Variants in SNTG1 observed in about 807,000 individuals in gnomAD.
SNTG1 encodes syntrophin gamma 1.
SNTG1 carries 39 observed loss-of-function variants against 74.7 expected under a neutral mutation model. The observed-to-expected ratio is 0.52, with a 90% CI of 0.40 to 0.68. SNTG1 has a LOEUF of 0.68. Ranked by LOEUF, SNTG1 falls within the 30% of genes least tolerant of loss-of-function variation. The pLI, the probability that SNTG1 is intolerant of heterozygous loss-of-function variation, is 0.00. For missense variants in SNTG1, 685 were observed against 609.5 expected, an observed-to-expected ratio of 1.12 and a Z score of -1.30; for synonymous variants, 254 against 217.1, an observed-to-expected ratio of 1.17 and a Z score of -1.49.
chr8:50,413,241 A>C (rs544540440), intron 4 of SNTG1, among the ~76,000 whole-genome samples: 1 of 152,340 alleles, frequency 6.6e-6, no homozygotes, highest in South Asian at 2.1e-4. Context: ...TGATAGATAG[A>C]GATGGATGAT....
At chr8:50,230,978 AT>A (rs1434905111) in intron 2 of SNTG1, among the ~76,000 whole-genome samples, 1 of 151,374 alleles carries the variant, frequency 6.6e-6, no homozygotes, top group African/African-American at 2.4e-5. Flanking sequence ...GAGAGAAAAT[AT>A]TTGCAAGCCA....
intron 4 of SNTG1, among the ~76,000 whole-genome samples, chr8:50,404,566 G>A (rs1303479528): frequency 6.6e-6 from 1 of 151,508 alleles, no homozygotes; most frequent in East Asian, 1.9e-4. Flanking sequence ...TTCAGGCATA[G>A]CAATCAGTGG....
At chr8:50,089,204 T>C (rs1563576127) in intron 1 of SNTG1, among the ~76,000 whole-genome samples, 1 of 152,132 alleles carries the variant, frequency 6.6e-6, no homozygotes, top group Admixed American at 6.6e-5. Context: ...GCTAGCCATA[T>C]GTAGAAAGCT....
intron 15 of SNTG1, among the ~76,000 whole-genome samples, chr8:50,659,735 G>A (rs1258771058): frequency 6.6e-6 from 1 of 151,816 alleles, no homozygotes; most frequent in Non-Finnish European, 1.5e-5. Flanking sequence ...TGTATTGTTA[G>A]TAAAGAAGGG....
chr8:50,737,830 G>A (rs2095532768), intron 17 of SNTG1, among the ~76,000 whole-genome samples: 1 of 152,102 alleles, frequency 6.6e-6, no homozygotes, highest in Non-Finnish European at 1.5e-5. Context: ...CTCAGTAGAT[G>A]CAGAAAAGGC....
chr8:50,173,585 T>C lies in SNTG1; in HGVS notation c.-28+950T>C, dbSNP rs148236149. On this transcript the variant is annotated intron_variant, in intron 2 of 18. Coordinates refer to ENST00000642720, the MANE Select transcript of SNTG1 (RefSeq NM_018967.5). ...AACCATGAAACTTTATAACTTTATG[T>C]AGCCATGCAGATTGCCTATTAAAGA... Among the ~76,000 whole-genome samples, 23 of 152,322 alleles carry C rather than the reference T, an allele frequency of 1.5e-4. No individual in the cohort carries two copies. In the East Asian group the frequency reaches 4.1e-3, roughly 27 times the overall value.
chr8:49,938,176 G>A (rs2129368501), intron 1 of SNTG1, among the ~76,000 whole-genome samples: 1 of 152,190 alleles, frequency 6.6e-6, no homozygotes, highest in Middle Eastern at 3.4e-3. Context: ...ACCCACAACT[G>A]ACCATGTAAT....
At position 50,603,458 on chromosome 8, in the gene SNTG1, T is replaced by C. The variant is rs138374274; in HGVS notation, c.849+12541T>C. On this transcript the variant is annotated intron_variant, in intron 13 of 18. Transcript: ENST00000642720. ...TTTGAGTTTCTTCAAACCAGCTACT[T>C]TGAATTTTCTTTGTGAAAGGTCATA... 2.7e-3 allele frequency among the ~76,000 whole-genome samples: 406 copies of C among 152,326 alleles called. 1 individual carries two copies. The highest frequency in any genetic ancestry group is 9.1e-3 in the African/African-American group (379 of 41,582).
intron 1 of SNTG1, among the ~76,000 whole-genome samples, chr8:49,954,830 G>A (rs1469275716): frequency 1.3e-5 from 2 of 152,004 alleles, no homozygotes; most frequent in Admixed American, 6.6e-5. Context: ...TTACTCCAAA[G>A]AAGAAACTTT....
intron 2 of SNTG1, among the ~76,000 whole-genome samples, chr8:50,187,122 G>A (rs770320954): frequency 1.7e-4 from 26 of 152,020 alleles, no homozygotes; most frequent in Non-Finnish European, 2.4e-4. Flanking sequence ...TGCTATTTCC[G>A]TCAAACTGCC....
intron 2 of SNTG1, among the ~76,000 whole-genome samples, chr8:50,221,246 G>A (rs1048752681): frequency 6.6e-6 from 1 of 151,966 alleles, no homozygotes; most frequent in African/African-American, 2.4e-5. Context: ...GTATGACAGA[G>A]AGAAATGTAT....
chr8:50,289,357 G>A (rs2088962740), intron 2 of SNTG1, among the ~76,000 whole-genome samples: 1 of 152,076 alleles, frequency 6.6e-6, no homozygotes. Flanking sequence ...AATCTCCAGG[G>A]TGCAACTGCA....
chr8:50,392,148 GTAATCAAT>G (rs549089031), intron 2 of SNTG1, among the ~76,000 whole-genome samples: 9 of 152,320 alleles, frequency 5.9e-5, no homozygotes, highest in Admixed American at 5.9e-4. Flanking sequence ...TTCATTAACT[GTAATCAAT>G]GTGACATAAT....
intron 2 of SNTG1, among the ~76,000 whole-genome samples, chr8:50,218,670 G>T (rs888050920): frequency 3.3e-5 from 5 of 151,856 alleles, no homozygotes; most frequent in African/African-American, 4.8e-5. Flanking sequence ...CAGGACCACA[G>T]ATACTAATAT....
At chr8:50,564,705 C>A (rs2094506373) in intron 12 of SNTG1, among the ~76,000 whole-genome samples, 1 of 151,942 alleles carries the variant, frequency 6.6e-6, no homozygotes, top group African/African-American at 2.4e-5. Flanking sequence ...ATATCATAGT[C>A]TATAAGTTTT....
chr8:50,284,089 C>G (rs767042507), intron 2 of SNTG1, among the ~76,000 whole-genome samples: 1 of 151,984 alleles, frequency 6.6e-6, no homozygotes, highest in Admixed American at 6.6e-5. Context: ...TTGTCTGTAA[C>G]GGTGTCACAG....
intron 15 of SNTG1, among the ~76,000 whole-genome samples, chr8:50,690,234 T>A (rs1249661118): frequency 1.3e-5 from 2 of 152,210 alleles, no homozygotes; most frequent in East Asian, 3.8e-4. Flanking sequence ...GGTTTTTTTG[T>A]GTCTCTATTT....
chr8:50,789,673 A>T (rs2131864309), intron 18 of SNTG1, among the ~76,000 whole-genome samples: 1 of 152,136 alleles, frequency 6.6e-6, no homozygotes, highest in East Asian at 1.9e-4. Flanking sequence ...ATCTACTTTC[A>T]AATTCAACCC....
At position 50,208,567 on chromosome 8, in the gene SNTG1, G is replaced by A. The variant is rs560936686; in HGVS notation, c.-28+35932G>A. Among the ~76,000 whole-genome samples the A allele has an allele frequency of 3.3e-5, 5 of 152,254 alleles. No individual in the cohort carries two copies. The South Asian group carries it at 1.0e-3, about 32-fold the overall frequency. ...AGCAACTATCCCATTTACATTTAAG[G>A]TTAATATTTGTTATCTGTGAATTTG... On this transcript the variant is annotated intron_variant, in intron 2 of 18. Transcript: ENST00000642720.
Sources: allele counts gnomAD v4.1 joint callset (sites outside exome capture counted in the v4.1 genomes callset), GRCh38; gene constraint gnomAD v4.1.1; transcripts MANE v1.5; gene names NCBI Gene and HGNC (gene_info 2026-07-23, HGNC 2026-07-21).